CTNNA3: variants seen among roughly 807,000 people sequenced by gnomAD.
CTNNA3 encodes catenin alpha 3.
A neutral mutation model predicts 95.7 loss-of-function variants in CTNNA3; 76 were observed. The ratio of observed to expected loss-of-function variants is 0.79; its 90% CI spans 0.66 to 0.96. CTNNA3 has a LOEUF of 0.96. Among genes scored for constraint, CTNNA3 ranks in the 40% least tolerant of loss-of-function variants. The probability of loss-of-function intolerance (pLI) is 0.00; values close to 1 mark genes in which losing one functional copy is unlikely to be tolerated. For synonymous variants in CTNNA3, 431 were observed against 374.4 expected (o/e 1.15, Z -1.74); for missense variants, 1,191 against 1,089.8 (o/e 1.09, Z -1.31).
intron 11 of CTNNA3, among the ~76,000 whole-genome samples, chr10:66,393,621 A>G (rs1203010278): frequency 6.6e-6 from 1 of 152,064 alleles, no homozygotes; most frequent in Non-Finnish European, 1.5e-5. Flanking sequence ...TCTTTCCCCA[A>G]GTTTCTAGCC....
chr10:66,457,165 T>A (rs1303295770), intron 11 of CTNNA3, among the ~76,000 whole-genome samples: 2 of 152,184 alleles, frequency 1.3e-5, no homozygotes, highest in African/African-American at 4.8e-5. Context: ...TTCTTAGAGA[T>A]AATAGCAAAA....
chr10:66,416,973 G>A lies in CTNNA3; in HGVS notation c.1532-37621C>T, dbSNP rs527441995. Among the ~76,000 whole-genome samples, 4 of 151,958 alleles carry A rather than the reference G, an allele frequency of 2.6e-5. No individual in the cohort carries two copies. In the East Asian group the frequency reaches 7.7e-4, roughly 29 times the overall value. On this transcript the variant is annotated intron_variant, in intron 11 of 17. Transcript: ENST00000433211. ...TGACAGACATTAAGAGGAAAATCAA[G>A]AACAAAGAATATACAAACCAACCAT...
intron 5 of CTNNA3, among the ~76,000 whole-genome samples, chr10:67,451,151 A>T (rs1182171188): frequency 6.6e-6 from 1 of 152,070 alleles, no homozygotes; most frequent in African/African-American, 2.4e-5. Flanking sequence ...CTTTCTCTTC[A>T]TCTAGGGTAC....
chr10:66,218,992 A>G (rs909564235), intron 13 of CTNNA3, among the ~76,000 whole-genome samples: 1 of 152,222 alleles, frequency 6.6e-6, no homozygotes, highest in African/African-American at 2.4e-5. Context: ...CTTTCTTATT[A>G]GAAATACCTA....
chr10:67,726,432 C>CATATATAATATATT (rs1841220964), intron 1 of CTNNA3, among the ~76,000 whole-genome samples: 1 of 51,408 alleles, frequency 1.9e-5, no homozygotes, highest in African/African-American at 1.5e-4. Flanking sequence ...TATATTATAT[C>CATATATAATATATT]ATATATAATA....
intron 7 of CTNNA3, among the ~76,000 whole-genome samples, chr10:66,780,249 C>G (rs1391488379): frequency 6.6e-6 from 1 of 151,992 alleles, no homozygotes; most frequent in Non-Finnish European, 1.5e-5. Context: ...TTATATCAAA[C>G]CGGCTGTGGA....
intron 6 of CTNNA3, among the ~76,000 whole-genome samples, chr10:67,186,759 AT>A (rs1364360883): frequency 6.6e-6 from 1 of 152,214 alleles, no homozygotes; most frequent in Non-Finnish European, 1.5e-5. Context: ...ATGCCACTCC[AT>A]TGAAATAGAA....
At chr10:66,378,855 C>G (rs2092814204) in intron 12 of CTNNA3, among the ~76,000 whole-genome samples, 1 of 152,112 alleles carries the variant, frequency 6.6e-6, no homozygotes, top group African/African-American at 2.4e-5. Context: ...ACCATATCAG[C>G]CTAATTATAT....
intron 2 of CTNNA3, among the ~76,000 whole-genome samples, chr10:67,619,771 G>A (rs16924705): frequency 0.14 from 21,232 of 152,042 alleles, 2,755 homozygotes; most frequent in African/African-American, 0.34. Flanking sequence ...ACAGAAAGCC[G>A]AGGAATTTTT....
At chr10:67,451,701 C>G (rs1281913500) in intron 5 of CTNNA3, among the ~76,000 whole-genome samples, 1 of 152,192 alleles carries the variant, frequency 6.6e-6, no homozygotes, top group Non-Finnish European at 1.5e-5. Context: ...TGCTTTTCAA[C>G]TAGAATTTGA....
At chr10:66,869,087 T>C (rs538636611) in intron 7 of CTNNA3, among the ~76,000 whole-genome samples, 3 of 152,354 alleles carry the variant, frequency 2.0e-5, no homozygotes, top group South Asian at 4.1e-4. Context: ...TCTAGAATTC[T>C]AGTTTGACAT....
chr10:66,077,166 G>A (rs1338004759), intron 14 of CTNNA3, among the ~76,000 whole-genome samples: 1 of 151,694 alleles, frequency 6.6e-6, no homozygotes, highest in Non-Finnish European at 1.5e-5. Context: ...GATATAAAAT[G>A]CTATGATGTT....
chr10:66,510,353 CTT>C (rs35872699), intron 11 of CTNNA3, among the ~76,000 whole-genome samples: 40,076 of 151,546 alleles, frequency 0.26, 5,621 homozygotes, highest in Middle Eastern at 0.39. Flanking sequence ...GACAATTTGA[CTT>C]CCTCTTTTCC....
chr10:66,830,710 C>A (rs567024792), intron 7 of CTNNA3, among the ~76,000 whole-genome samples: 2 of 151,992 alleles, frequency 1.3e-5, no homozygotes, highest in Non-Finnish European at 2.9e-5. Context: ...CCTGGGTTCC[C>A]GCCATTCTCC....
rs1840559950 is a variant in CTNNA3, at chr10:67,677,719, C to CA, written c.-6+18280dup. 3.3e-5 allele frequency among the ~76,000 whole-genome samples: 5 copies of CA among 152,150 alleles called. No individual in the cohort carries two copies. In the South Asian group the frequency reaches 1.0e-3, roughly 32 times the overall value. On this transcript the variant is annotated intron_variant, in intron 1 of 17. Coordinates refer to ENST00000433211, the MANE Select transcript of CTNNA3 (RefSeq NM_013266.4). ...GATTTTGAGTCGCAGAAATGCAGCA[C>CA]AGGATGAGAGGGGACAAGGAAAGAA...
chr10:66,504,318 G>C (rs1433650097), intron 11 of CTNNA3, among the ~76,000 whole-genome samples: 4 of 152,100 alleles, frequency 2.6e-5, no homozygotes, highest in Non-Finnish European at 5.9e-5. Context: ...CGTAGAACTT[G>C]TTCACAGCAC....
chr10:66,802,266 T>C (rs1369799895), intron 7 of CTNNA3, among the ~76,000 whole-genome samples: 1 of 151,820 alleles, frequency 6.6e-6, no homozygotes, highest in East Asian at 1.9e-4. Context: ...ATGACACAAA[T>C]TGAGAAATAT....
intron 11 of CTNNA3, among the ~76,000 whole-genome samples, chr10:66,458,600 A>G (rs1011462196): frequency 2.0e-5 from 3 of 152,092 alleles, no homozygotes; most frequent in Non-Finnish European, 4.4e-5. Context: ...CCCTCCCCAG[A>G]TCCTGGTGAC....
chr10:66,148,218 CA>C (rs2083998816), intron 13 of CTNNA3, among the ~76,000 whole-genome samples: 1 of 151,790 alleles, frequency 6.6e-6, no homozygotes, highest in Admixed American at 6.6e-5. Flanking sequence ...TTTTTCTTGT[CA>C]ATTTTTTGTT....
Sources: allele counts gnomAD v4.1 joint callset (sites outside exome capture counted in the v4.1 genomes callset), GRCh38; gene constraint gnomAD v4.1.1; transcripts MANE v1.5; gene names NCBI Gene and HGNC (gene_info 2026-07-23, HGNC 2026-07-21).